CSMD1: variants seen among roughly 807,000 people sequenced by gnomAD.
CSMD1 encodes the protein CUB and sushi domain-containing protein 1.
Under a neutral mutation model 417.5 loss-of-function variants are expected in CSMD1, and 213 were observed. The ratio of observed to expected loss-of-function variants is 0.51; its 90% CI spans 0.46 to 0.57. The LOEUF (loss-of-function observed/expected upper bound fraction) is 0.57. Ranked by LOEUF, CSMD1 falls within the 20% of genes least tolerant of loss-of-function variation. The pLI, the probability that CSMD1 is intolerant of heterozygous loss-of-function variation, is 0.00. For synonymous variants in CSMD1, 2,862 were observed against 1,736.8 expected (o/e 1.65, Z -16.11); for missense variants, 6,923 against 4,529.7 (o/e 1.53, Z -15.17).
At chr8:4,617,500 G>C (rs967202554) in intron 2 of CSMD1, among the ~76,000 whole-genome samples, 2 of 152,140 alleles carry the variant, frequency 1.3e-5, no homozygotes, top group East Asian at 1.9e-4. Flanking sequence ...TAAATCACCT[G>C]TCAACTAGAC....
At chr8:4,518,463 G>C (rs1018446141) in intron 2 of CSMD1, among the ~76,000 whole-genome samples, 2 of 152,082 alleles carry the variant, frequency 1.3e-5, no homozygotes, top group African/African-American at 4.8e-5. Flanking sequence ...ATCCTTTACT[G>C]AGATGAAAAC....
chr8:3,328,500 T>C (rs865801825), intron 23 of CSMD1, among the ~76,000 whole-genome samples: 1 of 152,340 alleles, frequency 6.6e-6, no homozygotes, highest in African/African-American at 2.4e-5. Context: ...ACTTCAAATA[T>C]TGTGTTCAGA....
intron 3 of CSMD1, among the ~76,000 whole-genome samples, chr8:4,365,681 T>G (rs1584962542): frequency 6.6e-6 from 1 of 152,150 alleles, no homozygotes; most frequent in South Asian, 2.1e-4. Context: ...TAAGGCAAAC[T>G]CCAGCCTCTG....
intron 3 of CSMD1, among the ~76,000 whole-genome samples, chr8:4,165,087 G>C (rs1797377795): frequency 1.3e-5 from 2 of 152,190 alleles, no homozygotes; most frequent in South Asian, 4.2e-4. Context: ...GTACAGATGT[G>C]TGTTTAGAGA....
At chr8:3,424,337 G>T (rs138826836) in intron 12 of CSMD1, among the ~76,000 whole-genome samples, 1 of 152,112 alleles carries the variant, frequency 6.6e-6, no homozygotes, top group East Asian at 1.9e-4. Flanking sequence ...AATAATCTCT[G>T]ATTAGCAAAC....
chr8:4,543,846 C>T (rs1352358028), intron 2 of CSMD1, among the ~76,000 whole-genome samples: 2 of 152,012 alleles, frequency 1.3e-5, no homozygotes, highest in Non-Finnish European at 2.9e-5. Context: ...GTGGTGGTAT[C>T]TGATTATTGT....
rs994877167 is a variant in CSMD1 at position 3,633,272 on chromosome 8, A to T, written c.1010-16475T>A. ...TTACTCTGACACTGAGAAGTACCACATAAAATTATGTGGAAAATGCATACT... is the reference window on the plus strand; with the variant it reads ...TTACTCTGACACTGAGAAGTACCACTTAAAATTATGTGGAAAATGCATACT... On this transcript the variant is annotated intron_variant, in intron 7 of 69. Transcript: ENST00000635120. Among the ~76,000 whole-genome samples, 3 of 152,222 alleles carry T rather than the reference A, an allele frequency of 2.0e-5. No individual in the cohort carries two copies. In the East Asian group the frequency reaches 5.8e-4, roughly 29 times the overall value.
At chr8:4,224,003 C>G (rs1407630002) in intron 3 of CSMD1, among the ~76,000 whole-genome samples, 2 of 152,102 alleles carry the variant, frequency 1.3e-5, no homozygotes, top group African/African-American at 4.8e-5. Context: ...TCTTTAAACC[C>G]AAACTCGTAT....
intron 2 of CSMD1, among the ~76,000 whole-genome samples, chr8:4,494,124 G>C (rs1243112465): frequency 6.6e-6 from 1 of 152,170 alleles, no homozygotes; most frequent in Non-Finnish European, 1.5e-5. Context: ...AAGAGAGTTA[G>C]AGTAGAGAAA....
intron 3 of CSMD1, among the ~76,000 whole-genome samples, chr8:4,314,095 G>T (rs1242965279): frequency 6.6e-6 from 1 of 151,792 alleles, no homozygotes; most frequent in African/African-American, 2.4e-5. Flanking sequence ...TGGAGATGGG[G>T]GATTCAACAC....
intron 4 of CSMD1, among the ~76,000 whole-genome samples, chr8:4,026,246 T>G (rs1384721327): frequency 2.0e-5 from 3 of 152,188 alleles, no homozygotes; most frequent in African/African-American, 7.2e-5. Flanking sequence ...TTCAAATATG[T>G]TTTATAAAAT....
In CSMD1 at chr8:4,347,129, A is replaced by C. The variant is rs1347552596; in HGVS notation, c.415+72824T>G. Among the ~76,000 whole-genome samples, 5 of 152,272 alleles carry C rather than the reference A, an allele frequency of 3.3e-5. 1 individual carries two copies. The highest frequency in any genetic ancestry group is 1.2e-4 in the African/African-American group (5 of 41,564). On this transcript the variant is annotated intron_variant, in intron 3 of 69. Transcript: ENST00000635120. ...CTTTTTCTCCAAGGCAGGAAAGATG[A>C]ATGATTTTAGCACTTGGTGTGACAA...
At chr8:3,101,051 T>G (rs1278554568) in intron 46 of CSMD1, among the ~76,000 whole-genome samples, 1 of 52,396 alleles carries the variant, frequency 1.9e-5, no homozygotes, top group Non-Finnish European at 3.5e-5. Flanking sequence ...TGAATACGTA[T>G]GGTGTTTTTT....
intron 1 of CSMD1, among the ~76,000 whole-genome samples, chr8:4,895,622 C>G (rs530744007): frequency 6.6e-6 from 1 of 151,750 alleles, no homozygotes; most frequent in Non-Finnish European, 1.5e-5. Flanking sequence ...ATATGACTTT[C>G]CTACTCTGAT....
chr8:3,700,897 C>G (rs1311797338), intron 7 of CSMD1, among the ~76,000 whole-genome samples: 1 of 152,018 alleles, frequency 6.6e-6, no homozygotes, highest in East Asian at 1.9e-4. Flanking sequence ...TGTGGTTCTA[C>G]TGATATTTCA....
At chr8:3,573,283 G>A (rs779998451) in intron 10 of CSMD1, among the ~76,000 whole-genome samples, 6 of 152,098 alleles carry the variant, frequency 3.9e-5, no homozygotes, top group African/African-American at 1.4e-4. Flanking sequence ...GGCAGAGCTG[G>A]TTCTTAAAGT....
At chr8:4,132,455 A>G (rs1010354058) in intron 3 of CSMD1, among the ~76,000 whole-genome samples, 7 of 152,296 alleles carry the variant, frequency 4.6e-5, no homozygotes, top group South Asian at 2.1e-4. Context: ...ACAAAATTCC[A>G]TTTAACTTTT....
At chr8:3,846,717 G>C (rs542403684) in intron 5 of CSMD1, among the ~76,000 whole-genome samples, 17 of 152,144 alleles carry the variant, frequency 1.1e-4, no homozygotes, top group African/African-American at 3.9e-4. Context: ...GAGTGCAGTG[G>C]TGCAACCTTG....
chr8:3,815,509 A>T (rs999947466), intron 5 of CSMD1, among the ~76,000 whole-genome samples: 7 of 151,574 alleles, frequency 4.6e-5, no homozygotes, highest in African/African-American at 1.5e-4. Flanking sequence ...GTGTAAGACT[A>T]TGTTTAAACA....
Sources: gnomAD v4.1 joint callset for allele counts (sites outside exome capture counted in the v4.1 genomes callset) on GRCh38, gnomAD v4.1.1 for gene constraint, MANE v1.5 for transcripts, NCBI Gene and HGNC (gene_info 2026-07-23, HGNC 2026-07-21) for gene names.